The following TTC28 variants were observed in gnomAD, a reference collection of about 807,000 sequenced individuals.
TTC28 encodes the protein tetratricopeptide repeat domain 28.
A neutral mutation model predicts 198.0 loss-of-function variants in TTC28; 61 were observed. That is an observed-to-expected ratio of 0.31 (90% CI 0.25 to 0.38). TTC28 has a LOEUF of 0.38. TTC28 is among the 10% of genes least tolerant of loss of function. The pLI is 1.00. For synonymous variants in TTC28, 1,171 were observed against 1,297.8 expected (o/e 0.90, Z 2.10); for missense variants, 2,678 against 3,164.0 (o/e 0.85, Z 3.69).
At chr22:28,601,529 A>T (rs2050638613) in intron 2 of TTC28, among the ~76,000 whole-genome samples, 1 of 152,218 alleles carries the variant, frequency 6.6e-6, no homozygotes, top group Admixed American at 6.5e-5. Context: ...TATTATAAGT[A>T]GTCTAGAGAT....
intron 2 of TTC28, among the ~76,000 whole-genome samples, chr22:28,568,959 C>G (rs1201098798): frequency 6.6e-6 from 1 of 151,844 alleles, no homozygotes; most frequent in Non-Finnish European, 1.5e-5. Flanking sequence ...CCAGCCTTGC[C>G]AATATGGTGA....
chr22:28,500,558 G>A (rs7289625), intron 2 of TTC28, among the ~76,000 whole-genome samples: 18,239 of 152,064 alleles, frequency 0.12, 1,220 homozygotes, highest in African/African-American at 0.14. Flanking sequence ...AGTAAAACCA[G>A]TCTAATCTAG....
At chr22:28,214,283 G>A (rs1927185601) in intron 5 of TTC28, among the ~76,000 whole-genome samples, 1 of 152,264 alleles carries the variant, frequency 6.6e-6, no homozygotes, top group East Asian at 1.9e-4. Context: ...TGACAAATGG[G>A]ATCTAATTAA....
chr22:28,065,100 C>A (rs1940700785), intron 12 of TTC28, among the ~76,000 whole-genome samples: 1 of 152,186 alleles, frequency 6.6e-6, no homozygotes, highest in Non-Finnish European at 1.5e-5. Flanking sequence ...AGGCCACACC[C>A]CTTGCATAGC....
chr22:28,322,685 T>G (rs2045467089), intron 2 of TTC28, among the ~76,000 whole-genome samples: 1 of 152,216 alleles, frequency 6.6e-6, no homozygotes, highest in Non-Finnish European at 1.5e-5. Flanking sequence ...CTAGGCACAT[T>G]AGTTATATTT....
Position 28,001,449 on chromosome 22 carries a change from G to C in TTC28, c.4323C>G (p.Ser1441=). Residue 1441 remains serine, a synonymous_variant, in exon 15 of 23, where the codon TCC becomes TCG. Transcript: ENST00000397906. ...LIPFALLKGS[S]SNEYLYERFG... ...AGCGCTCGTAGAGGTACTCATTGGA[G>C]GAGCTTCCCTTCAGGAGGGCGAAAG... 1 of 1,551,658 alleles carries C rather than the reference G, an allele frequency of 6.4e-7. No individual in the cohort carries two copies. The highest frequency in any genetic ancestry group is 8.7e-7 in the Non-Finnish European group (1 of 1,147,000).
chr22:28,509,483 C>T (rs1391555364), intron 2 of TTC28, among the ~76,000 whole-genome samples: 2 of 152,130 alleles, frequency 1.3e-5, no homozygotes, highest in African/African-American at 4.8e-5. Flanking sequence ...TTTGAAACTA[C>T]TGAGAACAAA....
intron 3 of TTC28, among the ~76,000 whole-genome samples, chr22:28,299,083 C>T (rs1407043908): frequency 2.0e-5 from 3 of 152,088 alleles, no homozygotes; most frequent in Admixed American, 6.5e-5. Flanking sequence ...TAAGTTTGAA[C>T]GTAGATAACC....
chr22:28,439,092 C>T (rs749075372), intron 2 of TTC28, among the ~76,000 whole-genome samples: 2 of 152,138 alleles, frequency 1.3e-5, no homozygotes, highest in Non-Finnish European at 2.9e-5. Context: ...TTCTGATTTA[C>T]TTTCATAACA....
intron 2 of TTC28, among the ~76,000 whole-genome samples, chr22:28,529,300 C>T (rs554459585): frequency 2.0e-5 from 3 of 152,332 alleles, no homozygotes; most frequent in East Asian, 1.9e-4. Flanking sequence ...CACGGAGCCT[C>T]GCTCACTGCT....
chr22:28,277,930 A>G (rs2044502803), intron 5 of TTC28, among the ~76,000 whole-genome samples: 1 of 152,168 alleles, frequency 6.6e-6, no homozygotes, highest in Non-Finnish European at 1.5e-5. Context: ...CATCTTAGCC[A>G]CAAAAATCAC....
intron 2 of TTC28, among the ~76,000 whole-genome samples, chr22:28,357,526 G>T (rs997126215): frequency 6.6e-6 from 1 of 151,756 alleles, no homozygotes; most frequent in Non-Finnish European, 1.5e-5. Flanking sequence ...GCCCAGGCTG[G>T]TCCTGAATTC....
chr22:28,478,837 T>G (rs753409932), intron 2 of TTC28, among the ~76,000 whole-genome samples: 2 of 152,180 alleles, frequency 1.3e-5, no homozygotes, highest in African/African-American at 2.4e-5. Flanking sequence ...CAGACAGAAC[T>G]TTAACCACCT....
At chr22:28,073,872 C>T (rs1054468088) in intron 12 of TTC28, among the ~76,000 whole-genome samples, 1 of 152,142 alleles carries the variant, frequency 6.6e-6, no homozygotes, top group Non-Finnish European at 1.5e-5. Flanking sequence ...ACAGAACCAC[C>T]CCAGTTTACC....
intron 12 of TTC28, among the ~76,000 whole-genome samples, chr22:28,071,039 C>T (rs1024852188): frequency 6.6e-6 from 1 of 151,956 alleles, no homozygotes. Context: ...GCCCTGGTGT[C>T]AGGGCATGGG....
In TTC28 at chr22:28,495,249, T is replaced by G. The variant is rs191623181; in HGVS notation, c.381+134303A>C. 8.5e-4 allele frequency among the ~76,000 whole-genome samples: 130 copies of G among 152,228 alleles called. 2 individuals carry two copies. The highest frequency in any genetic ancestry group is 3.4e-3 in the Middle Eastern group (1 of 294). Reference sequence around the variant, plus strand: ...TCCATTAAGTAACCTGCACAAATGATGAAAATAGAGCCTCCCTAGAGCATA... The same window carrying G: ...TCCATTAAGTAACCTGCACAAATGAGGAAAATAGAGCCTCCCTAGAGCATA... On this transcript the variant is annotated intron_variant, in intron 2 of 22. Coordinates refer to ENST00000397906, the MANE Select transcript of TTC28 (RefSeq NM_001145418.2).
intron 12 of TTC28, among the ~76,000 whole-genome samples, chr22:28,073,023 A>G (rs1437024451): frequency 6.6e-6 from 1 of 152,218 alleles, no homozygotes; most frequent in Non-Finnish European, 1.5e-5. Flanking sequence ...TTCTGTGGGC[A>G]TGTTATCATA....
intron 2 of TTC28, among the ~76,000 whole-genome samples, chr22:28,451,692 G>A (rs2047779945): frequency 6.6e-6 from 1 of 152,142 alleles, no homozygotes; most frequent in African/African-American, 2.4e-5. Context: ...ATACTTACTT[G>A]TTATCTCTTT....
chr22:28,081,152 TAC>T (rs59531236), intron 12 of TTC28, among the ~76,000 whole-genome samples: 127,822 of 149,026 alleles, frequency 0.86, 54,824 homozygotes, highest in East Asian at 0.98. Flanking sequence ...TGGACATACA[TAC>T]ACACACACAC....
Sources: allele counts gnomAD v4.1 joint callset (sites outside exome capture counted in the v4.1 genomes callset), GRCh38; gene constraint gnomAD v4.1.1; transcripts MANE v1.5; gene names NCBI Gene and HGNC (gene_info 2026-07-23, HGNC 2026-07-21).